The following MARCHF1 variants were observed in gnomAD, a reference collection of about 807,000 sequenced individuals.
MARCHF1 encodes membrane associated ring-CH-type finger 1.
In MARCHF1, 40 loss-of-function variants were observed where a neutral mutation model predicts 54.2. The observed-to-expected ratio is 0.74, with a 90% CI of 0.57 to 0.96. The LOEUF (loss-of-function observed/expected upper bound fraction) is 0.96. Among genes scored for constraint, MARCHF1 ranks in the 40% least tolerant of loss-of-function variants. MARCHF1 has a pLI of 0.00. For synonymous variants in MARCHF1, 236 were observed against 236.3 expected (o/e 1.00, Z 0.01); for missense variants, 586 against 656.5 (o/e 0.89, Z 1.17).
In MARCHF1 at chr4:164,360,709, AG is replaced by A. The variant is rs1730699159; in HGVS notation, c.-323+23160del. Among the ~76,000 whole-genome samples the A allele has an allele frequency of 2.6e-5, 4 of 152,222 alleles. No homozygotes were observed. In the South Asian group the frequency reaches 8.3e-4, roughly 32 times the overall value. ...ATATGCTTGGAGAAACACTACAGTA[AG>A]TGGCCTGCAGCACTGTTCTCTCTGC... On this transcript the variant is annotated intron_variant, in intron 1 of 9. Coordinates refer to ENST00000514618, the MANE Select transcript of MARCHF1 (RefSeq NM_001394959.1).
At chr4:163,682,226 T>A (rs1389480278) in intron 5 of MARCHF1, among the ~76,000 whole-genome samples, 1 of 152,158 alleles carries the variant, frequency 6.6e-6, no homozygotes, top group Non-Finnish European at 1.5e-5. Context: ...GTGGAAGACA[T>A]TTCTAAGCAG....
At chr4:163,964,267 T>A (rs919631597) in intron 3 of MARCHF1, among the ~76,000 whole-genome samples, 5 of 151,986 alleles carry the variant, frequency 3.3e-5, no homozygotes, top group Admixed American at 6.6e-5. Flanking sequence ...TAACTTTTTT[T>A]AAAAACTTCA....
intron 4 of MARCHF1, among the ~76,000 whole-genome samples, chr4:163,778,160 A>G (rs938278962): frequency 4.3e-5 from 5 of 116,564 alleles, no homozygotes; most frequent in African/African-American, 1.5e-4. Flanking sequence ...TTTCTTATCT[A>G]TTTAGCAGTT....
chr4:163,524,938 CT>C lies in MARCHF1; in HGVS notation c.*3809del, dbSNP rs1365529938. The C allele has an allele frequency of 6.6e-6, 1 of 152,076 alleles. No individual in the cohort carries two copies. Among genetic ancestry groups the C allele is most frequent in the Non-Finnish European group, 1.5e-5 (1 of 68,010 alleles). The allele number at this position is 152,076 out of a possible 1,614,324, so 9.4% of individuals were successfully genotyped here. ...ATGCAGTATCCAGTTTCAAAATGGG[CT>C]TTCTTTAGATGTGGAGGAAACACTG... On this transcript the variant is annotated 3_prime_UTR_variant, in exon 10 of 10. Coordinates refer to ENST00000514618, the MANE Select transcript of MARCHF1 (RefSeq NM_001394959.1).
chr4:164,233,243 A>G (rs1251984553), intron 1 of MARCHF1, among the ~76,000 whole-genome samples: 1 of 151,296 alleles, frequency 6.6e-6, no homozygotes, highest in Non-Finnish European at 1.5e-5. Context: ...GTTTATTTCA[A>G]AAAAAAAACA....
At chr4:163,915,830 TC>T (rs1751295872) in intron 3 of MARCHF1, among the ~76,000 whole-genome samples, 1 of 152,196 alleles carries the variant, frequency 6.6e-6, no homozygotes. Context: ...GGTAGTAAGA[TC>T]GTCAGCCTTG....
chr4:163,736,148 T>G (rs1336571404), intron 4 of MARCHF1, among the ~76,000 whole-genome samples: 3 of 152,178 alleles, frequency 2.0e-5, no homozygotes, highest in Non-Finnish European at 4.4e-5. Context: ...AGTAGAAAAC[T>G]TTCATCATTT....
intron 1 of MARCHF1, among the ~76,000 whole-genome samples, chr4:164,240,598 T>C (rs1579650023): frequency 1.3e-5 from 2 of 152,040 alleles, no homozygotes; most frequent in East Asian, 1.9e-4. Flanking sequence ...GGCATTCTTA[T>C]CTTAGGTCCC....
At chr4:164,116,847 T>C (rs1026858903) in intron 1 of MARCHF1, among the ~76,000 whole-genome samples, 2 of 152,062 alleles carry the variant, frequency 1.3e-5, no homozygotes, top group East Asian at 3.8e-4. Context: ...TGCTAACTTA[T>C]CCCAAGTAGA....
intron 8 of MARCHF1, among the ~76,000 whole-genome samples, chr4:163,550,973 T>C (rs1486197225): frequency 6.6e-6 from 1 of 152,146 alleles, no homozygotes; most frequent in South Asian, 2.1e-4. Context: ...CGATGCAAGC[T>C]ACAGTTAGAG....
chr4:163,606,971 T>C (rs980064222), intron 7 of MARCHF1, among the ~76,000 whole-genome samples: 5 of 152,056 alleles, frequency 3.3e-5, no homozygotes, highest in Admixed American at 3.3e-4. Flanking sequence ...TCTTTTCTGT[T>C]AGGCTGCTGC....
intron 4 of MARCHF1, among the ~76,000 whole-genome samples, chr4:163,835,167 C>A (rs1402063545): frequency 6.6e-6 from 1 of 152,124 alleles, no homozygotes; most frequent in Non-Finnish European, 1.5e-5. Context: ...ATGGTATAAA[C>A]CACCATGTCC....
At chr4:163,949,315 T>G (rs1042263908) in intron 3 of MARCHF1, among the ~76,000 whole-genome samples, 1 of 152,192 alleles carries the variant, frequency 6.6e-6, no homozygotes, top group African/African-American at 2.4e-5. Context: ...CGGCTGGTAC[T>G]GGGAACACAG....
chr4:163,921,290 C>T lies in MARCHF1; in HGVS notation c.-38-67121G>A, dbSNP rs574544112. ...CTTCCATTAATTTGGAGTTTTTAAT[C>T]GTGCCTAAAGATAGGACTAAAAATC... is the stretch of plus-strand genomic sequence containing the variant. On this transcript the variant is annotated intron_variant, in intron 3 of 9. Transcript: ENST00000514618. Among the ~76,000 whole-genome samples, 9 of 152,074 alleles carry T rather than the reference C, an allele frequency of 5.9e-5. No homozygotes were observed. The South Asian group carries it at 6.2e-4, about 11-fold the overall frequency.
chr4:164,070,206 C>A (rs918681119), intron 2 of MARCHF1, among the ~76,000 whole-genome samples: 2 of 152,072 alleles, frequency 1.3e-5, no homozygotes, highest in Admixed American at 6.5e-5. Flanking sequence ...TGCAGTGAAC[C>A]TAAACATATA....
At chr4:163,663,134 G>C (rs998082765) in intron 5 of MARCHF1, among the ~76,000 whole-genome samples, 1 of 151,772 alleles carries the variant, frequency 6.6e-6, no homozygotes, top group Non-Finnish European at 1.5e-5. Context: ...AAAATAAAAA[G>C]TCAAGCTTCT....
chr4:163,710,236 C>T (rs1474819665), intron 4 of MARCHF1, among the ~76,000 whole-genome samples: 1 of 152,106 alleles, frequency 6.6e-6, no homozygotes, highest in Non-Finnish European at 1.5e-5. Context: ...CATTCAAAGA[C>T]TATCCTATAA....
intron 2 of MARCHF1, among the ~76,000 whole-genome samples, chr4:164,068,830 G>C (rs935999647): frequency 6.6e-6 from 1 of 152,188 alleles, no homozygotes; most frequent in African/African-American, 2.4e-5. Flanking sequence ...AGTCTGGTGG[G>C]GACTTGGAGA....
chr4:163,842,644 T>C (rs1749373312), intron 4 of MARCHF1, among the ~76,000 whole-genome samples: 1 of 152,110 alleles, frequency 6.6e-6, no homozygotes, highest in African/African-American at 2.4e-5. Flanking sequence ...ATTAAATGAG[T>C]TGTTAACGTG....
Sources: gnomAD v4.1 joint callset for allele counts (sites outside exome capture counted in the v4.1 genomes callset) on GRCh38, gnomAD v4.1.1 for gene constraint, MANE v1.5 for transcripts, NCBI Gene and HGNC (gene_info 2026-07-23, HGNC 2026-07-21) for gene names.